ACTA1: variants seen among roughly 807,000 people sequenced by gnomAD.
ACTA1 encodes actin, alpha skeletal muscle.
In ACTA1, 25 loss-of-function variants were observed where a neutral mutation model predicts 35.8. That is an observed-to-expected ratio of 0.70 (90% CI 0.51 to 0.97). ACTA1 has a LOEUF of 0.97. Ranked by LOEUF, ACTA1 falls within the 50% of genes least tolerant of loss-of-function variation. ACTA1 has a pLI of 0.00. For synonymous variants in ACTA1, 219 were observed against 217.1 expected (o/e 1.01, Z -0.08); for missense variants, 174 against 533.0 (o/e 0.33, Z 6.63).
chr1:229,432,232 G>A, intron 4 of ACTA1, 38 bp downstream of exon 4: 1 of 1,612,728 alleles, frequency 6.2e-7, no homozygotes, highest in African/African-American at 1.3e-5. Context: ...AGGGGCCGCC[G>A]CCGGCCCTCC....
At position 229,432,040 on chromosome 1, in the gene ACTA1, G is replaced by A. The variant is rs1571892988; in HGVS notation, c.762C>T (p.Asn254=). 2 of 1,612,186 alleles carry A rather than the reference G, an allele frequency of 1.2e-6. No homozygotes were observed. The highest frequency in any genetic ancestry group is 1.7e-6 in the Non-Finnish European group (2 of 1,179,702). The change falls in exon 5 of 7, where the codon AAC becomes AAT. Residue 254 remains asparagine, a synonymous_variant. Coordinates refer to ENST00000366684, the MANE Select transcript of ACTA1 (RefSeq NM_001100.4). The part of the protein sequence containing the change: ...LPDGQVITIG[N]ERFRCPETLF... ...GCGTCTCCGGGCAGCGGAAGCGCTC[G>A]TTGCCGATGGTGATGACCTGCCCGT...
In ACTA1 at chr1:229,432,866, A is replaced by G. The variant is rs1265100143; in HGVS notation, c.144T>C (p.Gly48=). Residue 48 remains glycine, a synonymous_variant, in exon 3 of 7, where the codon GGT becomes GGC. Coordinates refer to ENST00000366684, the MANE Select transcript of ACTA1 (RefSeq NM_001100.4). The part of the protein sequence containing the change: ...GRPRHQGVMV[G]MGQKDSYVGD... ...CCACGTAGGAATCTTTCTGACCCAT[A>G]CCGACCATGACGCCCTGCAGAGCCG... The G allele has an allele frequency of 6.2e-7, 1 of 1,614,054 alleles. No individual in the cohort carries two copies. Among genetic ancestry groups the G allele is most frequent in the Non-Finnish European group, 8.5e-7 (1 of 1,179,996 alleles).
chr1:229,432,202 C>G lies in ACTA1; in HGVS notation c.617-17G>C. 1 of 1,613,276 alleles carries G rather than the reference C, an allele frequency of 6.2e-7. No individual in the cohort carries two copies. Among genetic ancestry groups the G allele is most frequent in the South Asian group, 1.1e-5 (1 of 91,024 alleles). On this transcript the variant is annotated splice_polypyrimidine_tract_variant and intron_variant, in intron 4 of 6. Transcript: ENST00000366684. ...CGCGCTCAGCTGCGGAGGGCAGAAG[C>G]AGGAGAGGAGCCCTCACTCAGGGGC...
At position 229,432,016 on chromosome 1, in the gene ACTA1, C is replaced by T; in HGVS notation, c.786G>A (p.Thr262=). 1 of 1,611,058 alleles carries T rather than the reference C, an allele frequency of 6.2e-7. No homozygotes were observed. The highest frequency in any genetic ancestry group is 1.1e-5 in the South Asian group (1 of 90,894). The change falls in exon 5 of 7, where the codon ACG becomes ACA. Residue 262 remains threonine (T), a synonymous_variant. Transcript: ENST00000366684. ...IGNERFRCPE[T]LFQPSFIGME... ...CACCGATGAAGGAGGGCTGGAAGAG[C>T]GTCTCCGGGCAGCGGAAGCGCTCGT...
rs1558081542 is a variant in ACTA1 at position 229,431,929 on chromosome 1, CAGA to C, written c.809-30_809-28del. 3 of 1,601,802 alleles carry C rather than the reference CAGA, an allele frequency of 1.9e-6. No individual in the cohort carries two copies. Among genetic ancestry groups the C allele is most frequent in the Non-Finnish European group, 2.6e-6 (3 of 1,175,518 alleles). On this transcript the variant is annotated intron_variant, in intron 5 of 6. Coordinates refer to ENST00000366684, the MANE Select transcript of ACTA1 (RefSeq NM_001100.4). This position sits in a 1 kb window ranked among gnomAD's most constrained non-coding sequence, Gnocchi z 7.1. ...TGGGGACCGCGGCGGGGAGCGTGAG[CAGA>C]AGCTCGGGGCGCCGGGGGCCGGCGG... is the stretch of plus-strand genomic sequence containing the variant.
At position 229,433,187 on chromosome 1, in the gene ACTA1, A is replaced by AG. The variant is rs57214022; in HGVS notation, c.-12-61dup. 1,922 of 1,600,960 alleles carry AG rather than the reference A, an allele frequency of 1.2e-3. 7 individuals carry two copies. In the African/African-American group the frequency reaches 0.014, roughly 11 times the overall value. On this transcript the variant is annotated intron_variant, in intron 1 of 6. Coordinates refer to ENST00000366684, the MANE Select transcript of ACTA1 (RefSeq NM_001100.4). ...GCATCAGCGCAGAAGTCTCAGCGGC[A>AG]GGGGGGGGTAAGCCTGGCTGGCCCC... is the stretch of plus-strand genomic sequence containing the variant.
Position 229,432,764 on chromosome 1 carries a change from A to G in ACTA1, c.246T>C (p.Asp82=), listed in dbSNP as rs373785144. Residue 82 remains aspartate (D), a synonymous_variant, in exon 3 of 7, where the codon GAT becomes GAC. Coordinates refer to ENST00000366684, the MANE Select transcript of ACTA1 (RefSeq NM_001100.4). The part of the protein sequence containing the change: ...PIEHGIITNW[D]DMEKIWHHTF... ...TGTGGTGCCAGATCTTCTCCATGTC[A>G]TCCCAGTTGGTGATGATGCCGTGCT... is the stretch of plus-strand genomic sequence containing the variant. 35 of 1,614,018 alleles carry G rather than the reference A, an allele frequency of 2.2e-5. No individual in the cohort carries two copies. Among genetic ancestry groups the G allele is most frequent in the Non-Finnish European group, 2.7e-5 (32 of 1,180,026 alleles).
At chr1:229,433,197 A>C (rs1659991451) in intron 1 of ACTA1, 70 bp from the exon 2 acceptor site, 1 of 1,602,504 alleles carries the variant, frequency 6.2e-7, no homozygotes, top group East Asian at 2.2e-5. Context: ...AGGGGGGGGT[A>C]AGCCTGGCTG....
Position 229,432,322 on chromosome 1 carries a change from G to T in ACTA1, c.564C>A (p.Thr188=). The T allele has an allele frequency of 6.2e-7, 1 of 1,613,816 alleles. No individual in the cohort carries two copies. Among genetic ancestry groups the T allele is most frequent in the Non-Finnish European group, 8.5e-7 (1 of 1,179,846 alleles). The change falls in exon 4 of 7, where the codon ACC becomes ACA. Residue 188 remains threonine (T), a synonymous_variant. Coordinates refer to ENST00000366684, the MANE Select transcript of ACTA1 (RefSeq NM_001100.4). ...CAGTGAGGATCTTCATCAGGTAGTC[G>T]GTGAGATCGCGGCCCGCCAGGTCCA... The part of the protein sequence containing the change: ...MRLDLAGRDL[T]DYLMKILTER...
Position 229,431,970 on chromosome 1 carries a change from G to C in ACTA1, c.808+24C>G, listed in dbSNP as rs763749374. ...CGGGGGCCGGCGGGGCCTGGGGGCCGGGGCGAGGGCGAGCGGGGCTCACCG... is the reference window on the plus strand; with the variant it reads ...CGGGGGCCGGCGGGGCCTGGGGGCCCGGGCGAGGGCGAGCGGGGCTCACCG... On this transcript the variant is annotated intron_variant, in intron 5 of 6. Coordinates refer to ENST00000366684, the MANE Select transcript of ACTA1 (RefSeq NM_001100.4). This position sits in a 1 kb window ranked among gnomAD's most constrained non-coding sequence, Gnocchi z 7.1. 1.2e-6 allele frequency: 2 copies of C among 1,603,164 alleles called. No homozygotes were observed. Among genetic ancestry groups the C allele is most frequent in the Non-Finnish European group, 1.7e-6 (2 of 1,175,018 alleles).
In ACTA1 at chr1:229,431,935, CT is replaced by C. The variant is rs1221052344; in HGVS notation, c.809-34del. The C allele has an allele frequency of 1.3e-6, 2 of 1,597,492 alleles. No individual in the cohort carries two copies. Among genetic ancestry groups the C allele is most frequent in the Admixed American group, 1.7e-5 (1 of 58,490 alleles). On this transcript the variant is annotated intron_variant, in intron 5 of 6. Transcript: ENST00000366684. This position sits in a 1 kb window ranked among gnomAD's most constrained non-coding sequence, Gnocchi z 7.1. The stretch of plus-strand genomic sequence containing the variant: ...CCGCGGCGGGGAGCGTGAGCAGAAG[CT>C]CGGGGCGCCGGGGGCCGGCGGGGCC...
chr1:229,431,916 C>CG lies in ACTA1; in HGVS notation c.809-15dup, dbSNP rs398123565. ...CCGACTCCATACCTGGGGACCGCGG[C>CG]GGGGAGCGTGAGCAGAAGCTCGGGG... On this transcript the variant is annotated splice_polypyrimidine_tract_variant and intron_variant, in intron 5 of 6. Coordinates refer to ENST00000366684, the MANE Select transcript of ACTA1 (RefSeq NM_001100.4). The surrounding 1 kb of genome is among the most constrained non-coding windows in gnomAD (Gnocchi z 7.1). The CG allele has an allele frequency of 6.5e-3, 10,459 of 1,611,844 alleles. 53 individuals are homozygous for CG. Among genetic ancestry groups the CG allele is most frequent in the Non-Finnish European group, 8.2e-3 (9,641 of 1,178,870 alleles).
Position 229,432,107 on chromosome 1 carries a change from G to A in ACTA1, c.695C>T (p.Ala232Val). ...CTTTTCCAGGGAGGAGGAGGAGGCG[G>A]CCGTCGCCATCTCGTTCTCGAAGTC... Reference protein sequence around the residue: ...ALDFENEMATAASSSSLEKSY... With the variant: ...ALDFENEMATVASSSSLEKSY... The change falls in exon 5 of 7, where the codon GCC becomes GTC. Residue 232 changes from alanine (A) to valine (V), a missense_variant. Transcript: ENST00000366684. The A allele has an allele frequency of 6.2e-7, 1 of 1,613,188 alleles. No individual in the cohort carries two copies. Among genetic ancestry groups the A allele is most frequent in the Non-Finnish European group, 8.5e-7 (1 of 1,179,908 alleles).
Position 229,432,972 on chromosome 1 carries a change from G to A in ACTA1, c.129+15C>T, listed in dbSNP as rs751440333. ...GGACCCCGAGCCGGCTCCCTCTGCG[G>A]AGGGGCAGCCTGACCTGGTGTCGGG... On this transcript the variant is annotated intron_variant, in intron 2 of 6. Coordinates refer to ENST00000366684, the MANE Select transcript of ACTA1 (RefSeq NM_001100.4). 1.9e-6 allele frequency: 3 copies of A among 1,613,594 alleles called. No homozygotes were observed. In the South Asian group the frequency reaches 3.3e-5, roughly 18 times the overall value.
Position 229,432,869 on chromosome 1 carries a change from G to T in ACTA1, c.141C>A (p.Val47=), listed in dbSNP as rs535751046. 9.4e-5 allele frequency: 151 copies of T among 1,614,150 alleles called. No homozygotes were observed. The South Asian group carries it at 1.6e-3, about 17-fold the overall frequency. Residue 47 remains valine, a synonymous_variant, in exon 3 of 7, where the codon GTC becomes GTA. Transcript: ENST00000366684. ...VGRPRHQGVM[V]GMGQKDSYVG... ...CGTAGGAATCTTTCTGACCCATACC[G>T]ACCATGACGCCCTGCAGAGCCGAGA...
chr1:229,431,679 T>G lies in ACTA1; in HGVS notation c.991-37A>C. 6.2e-7 allele frequency: 1 copy of G among 1,613,948 alleles called. No homozygotes were observed. The highest frequency in any genetic ancestry group is 8.5e-7 in the Non-Finnish European group (1 of 1,179,950). On this transcript the variant is annotated intron_variant, in intron 6 of 6. Transcript: ENST00000366684. The surrounding 1 kb of genome is among the most constrained non-coding windows in gnomAD (Gnocchi z 7.1). ...CGCGTGAGGTGGGGAGACCTCACCC[T>G]GGAGCCCACCCCGCCGACAGCCCGC...
At position 229,432,202 on chromosome 1, in the gene ACTA1, C is replaced by A; in HGVS notation, c.617-17G>T. On this transcript the variant is annotated splice_polypyrimidine_tract_variant and intron_variant, in intron 4 of 6. Transcript: ENST00000366684. ...CGCGCTCAGCTGCGGAGGGCAGAAGCAGGAGAGGAGCCCTCACTCAGGGGC... is the reference window on the plus strand; with the variant it reads ...CGCGCTCAGCTGCGGAGGGCAGAAGAAGGAGAGGAGCCCTCACTCAGGGGC... The A allele has an allele frequency of 3.7e-6, 6 of 1,613,276 alleles. No individual in the cohort carries two copies. Among genetic ancestry groups the A allele is most frequent in the Non-Finnish European group, 4.2e-6 (5 of 1,179,630 alleles).
rs1482097990 is a variant in ACTA1 at position 229,432,631 on chromosome 1, CA to C, written c.378del (p.Phe126LeufsTer66). On this transcript the variant is annotated frameshift_variant, in exon 3 of 7. Coordinates refer to ENST00000366684, the MANE Select transcript of ACTA1 (RefSeq NM_001100.4). LOFTEE classifies it high-confidence loss of function. The part of the protein sequence containing the change: ...ANREKMTQIM[F>X]ETFNVPAMYV... The stretch of plus-strand genomic sequence containing the variant: ...TACATGGCGGGCACGTTGAAGGTCT[CA>C]AACATGATCTGGGTCATCTTCTCGC... 2.5e-6 allele frequency: 4 copies of C among 1,614,020 alleles called. No individual in the cohort carries two copies. Among genetic ancestry groups the C allele is most frequent in the Non-Finnish European group, 3.4e-6 (4 of 1,179,988 alleles).
rs1210728495 is a variant in ACTA1, at chr1:229,431,610, C to T, written c.1023G>A (p.Val341=). The T allele has an allele frequency of 1.9e-6, 3 of 1,614,168 alleles. No individual in the cohort carries two copies. Among genetic ancestry groups the T allele is most frequent in the Non-Finnish European group, 2.5e-6 (3 of 1,180,038 alleles). Residue 341 remains valine (V), a synonymous_variant, in exon 7 of 7, where the codon GTG becomes GTA. Coordinates refer to ENST00000366684, the MANE Select transcript of ACTA1 (RefSeq NM_001100.4). The surrounding 1 kb of genome is among the most constrained non-coding windows in gnomAD (Gnocchi z 7.1). ...IIAPPERKYS[V]WIGGSILASL... is the part of the protein sequence containing the mutation. ...AGGCCAGGATGGAGCCGCCGATCCA[C>T]ACCGAGTATTTGCGCTCCGGCGGGG...
Sources: gnomAD v4.1 joint callset for allele counts on GRCh38, gnomAD v4.1.1 for gene constraint, Gnocchi (gnomAD v3.1) non-coding constraint, MANE v1.5 for transcripts, NCBI Gene and HGNC (gene_info 2026-07-23, HGNC 2026-07-21) for gene names.